The following FAAH2 variants were observed in gnomAD, a reference collection of about 807,000 sequenced individuals.
FAAH2 encodes the protein fatty-acid amide hydrolase 2.
A neutral mutation model predicts 36.9 loss-of-function variants in FAAH2; 60 were observed. The observed-to-expected ratio is 1.63, with a 90% CI of 1.32 to 2.02. The LOEUF is 2.02. Ranked by LOEUF, FAAH2 falls within the 30% of genes most tolerant of loss-of-function variation. The pLI, the probability that FAAH2 is intolerant of heterozygous loss-of-function variation, is 0.00. For synonymous variants in FAAH2, 214 were observed against 143.8 expected (o/e 1.49, Z -3.49); for missense variants, 689 against 397.5 (o/e 1.73, Z -6.23).
At chrX:57,200,463 C>T in the FAAH2 span, among the ~76,000 whole-genome samples, 16 of 108,264 alleles carry the variant, frequency 1.5e-4, no homozygotes, top group East Asian at 4.7e-3. Flanking sequence ...ACTGCAATCT[C>T]CGCCACACAG....
intron 3 of FAAH2, among the ~76,000 whole-genome samples, chrX:57,323,769 A>C (rs2053116425): frequency 9.7e-6 from 1 of 102,929 alleles, no homozygotes; most frequent in Non-Finnish European, 2.0e-5. Flanking sequence ...GATTGCAAAA[A>C]TTTTCTCCCA....
At chrX:57,209,041 T>C in the FAAH2 span, among the ~76,000 whole-genome samples, 1 of 111,764 alleles carries the variant, frequency 8.9e-6, no homozygotes, top group African/African-American at 3.3e-5. Context: ...TTTGGGGGCC[T>C]GTTCTCAACA....
chrX:57,240,206 C>T, the FAAH2 span, among the ~76,000 whole-genome samples: 2 of 111,187 alleles, frequency 1.8e-5, no homozygotes, highest in Non-Finnish European at 3.8e-5. Context: ...GTGCTTTTTG[C>T]TTGTATTTTC....
intron 10 of FAAH2, among the ~76,000 whole-genome samples, chrX:57,456,763 C>T (rs1016306717): frequency 1.8e-5 from 2 of 111,085 alleles, no homozygotes; most frequent in African/African-American, 6.5e-5. Context: ...AAGACATGAA[C>T]AGATAAATAA....
intron 4 of FAAH2, among the ~76,000 whole-genome samples, chrX:57,338,784 C>T (rs2053616885): frequency 9.0e-6 from 1 of 111,385 alleles, no homozygotes. Context: ...AAAAAAAAAT[C>T]CATGCTCATG....
chrX:57,302,506 G>C (rs752144871), intron 2 of FAAH2, among the ~76,000 whole-genome samples: 1 of 111,204 alleles, frequency 9.0e-6, no homozygotes, highest in East Asian at 2.8e-4. Context: ...ATTATTTACA[G>C]CACAGTGGAA....
chrX:57,392,378 T>C (rs889439980), intron 7 of FAAH2, among the ~76,000 whole-genome samples: 2 of 111,639 alleles, frequency 1.8e-5, no homozygotes, highest in African/African-American at 6.5e-5. Flanking sequence ...TTTTTGTTTG[T>C]TTGTTTTTTG....
intron 5 of FAAH2, among the ~76,000 whole-genome samples, chrX:57,353,536 C>T (rs144032396): frequency 1.4e-4 from 14 of 101,627 alleles, no homozygotes; most frequent in African/African-American, 5.0e-4. Flanking sequence ...TTATTTTGGA[C>T]ATCTGTCTAG....
the FAAH2 span, among the ~76,000 whole-genome samples, chrX:57,125,252 G>A: frequency 4.4e-5 from 5 of 112,928 alleles, no homozygotes; most frequent in African/African-American, 1.6e-4. Context: ...TTCTGCATCT[G>A]TTGAGATAAT....
At chrX:57,436,200 G>C (rs780506268) in intron 8 of FAAH2, among the ~76,000 whole-genome samples, 1 of 110,614 alleles carries the variant, frequency 9.0e-6, no homozygotes, top group Non-Finnish European at 1.9e-5. Flanking sequence ...CAAATTCTGT[G>C]GGATAAAGAA....
chrX:57,372,015 T>C (rs1046558392), intron 5 of FAAH2, among the ~76,000 whole-genome samples: 5 of 111,824 alleles, frequency 4.5e-5, no homozygotes, highest in African/African-American at 1.6e-4. Context: ...TTCCATTGTG[T>C]ATATGTATCA....
chrX:57,139,724 G>T, the FAAH2 span, among the ~76,000 whole-genome samples: 1 of 111,761 alleles, frequency 8.9e-6, no homozygotes, highest in Non-Finnish European at 1.9e-5. Flanking sequence ...AAAGTGCTGG[G>T]ATTACAAGTG....
chrX:57,324,213 T>G (rs1475315224), intron 3 of FAAH2, among the ~76,000 whole-genome samples: 2 of 112,125 alleles, frequency 1.8e-5, no homozygotes, highest in Non-Finnish European at 3.8e-5. Flanking sequence ...TCTGTTTTGA[T>G]ACCAGTACCA....
the FAAH2 span, among the ~76,000 whole-genome samples, chrX:57,200,067 A>G: frequency 9.0e-6 from 1 of 111,337 alleles, no homozygotes; most frequent in Admixed American, 9.6e-5. Context: ...TAGATTAGAT[A>G]ATTTAGTCTA....
At chrX:57,217,944 T>C in the FAAH2 span, among the ~76,000 whole-genome samples, 1 of 111,972 alleles carries the variant, frequency 8.9e-6, no homozygotes, top group Non-Finnish European at 1.9e-5. Flanking sequence ...GTTTGTGTCA[T>C]CTATGATTTC....
intron 5 of FAAH2, among the ~76,000 whole-genome samples, chrX:57,349,297 A>ACC (rs2053928376): frequency 1.0e-5 from 1 of 96,678 alleles, no homozygotes; most frequent in South Asian, 4.4e-4. Context: ...ATATATACAC[A>ACC]GATATACATA....
chrX:57,231,036 T>TGC, the FAAH2 span, among the ~76,000 whole-genome samples: 1 of 97,535 alleles, frequency 1.0e-5, no homozygotes, highest in African/African-American at 3.8e-5. Flanking sequence ...CCAAAGGAAG[T>TGC]GTGTGTGTGT....
At chrX:57,335,528 C>A in intron 4 of FAAH2, among the ~76,000 whole-genome samples, 1 of 113,424 alleles carries the variant, frequency 8.8e-6, no homozygotes, top group South Asian at 3.6e-4. Context: ...CAGCATGTCC[C>A]ACCTCCAGCC....
the FAAH2 span, among the ~76,000 whole-genome samples, chrX:57,161,967 A>G: frequency 8.9e-6 from 1 of 111,861 alleles, no homozygotes; most frequent in Non-Finnish European, 1.9e-5. Context: ...GATGGTCTTT[A>G]CATTTTGGCA....
Sources: gnomAD v4.1 joint callset for allele counts (sites outside exome capture counted in the v4.1 genomes callset) on GRCh38, gnomAD v4.1.1 for gene constraint, MANE v1.5 for transcripts, NCBI Gene and HGNC (gene_info 2026-07-23, HGNC 2026-07-21) for gene names.